Variants in NGEF observed in about 807,000 individuals in gnomAD.
NGEF encodes the protein neuronal guanine nucleotide exchange factor, also known as ephexin-1.
A neutral mutation model predicts 80.9 loss-of-function variants in NGEF; 31 were observed. That is an observed-to-expected ratio of 0.38 (90% CI 0.29 to 0.52). The LOEUF is 0.52. NGEF is among the 20% of genes least tolerant of loss of function. NGEF has a pLI of 0.84. For synonymous variants in NGEF, 371 were observed against 370.2 expected (o/e 1.00, Z -0.03); for missense variants, 709 against 926.2 (o/e 0.77, Z 3.04).
chr2:232,982,472 A>G (rs1694452861), intron 1 of NGEF, among the ~76,000 whole-genome samples: 2 of 152,130 alleles, frequency 1.3e-5, no homozygotes, highest in South Asian at 4.1e-4. Context: ...TGGTCCTTGA[A>G]TTGGTACGTT....
intron 10 of NGEF, 68 bp downstream of exon 10, chr2:232,885,212 C>G: frequency 7.0e-7 from 1 of 1,438,402 alleles, no homozygotes; most frequent in African/African-American, 1.4e-5. Context: ...GCGCGGTGAT[C>G]TGTGCCTCTG....
chr2:232,970,351 C>T, intron 2 of NGEF, 23 bp from the exon 3 acceptor site: 2 of 1,481,690 alleles, frequency 1.3e-6, no homozygotes, highest in Non-Finnish European at 1.9e-6. Context: ...AGAAATGGAG[C>T]AAGTTAGAAG....
intron 4 of NGEF, among the ~76,000 whole-genome samples, chr2:232,925,955 C>G (rs1575020328): frequency 6.6e-6 from 1 of 152,144 alleles, no homozygotes; most frequent in East Asian, 1.9e-4. Context: ...TAACAGCATG[C>G]AGTGTGCGCT....
chr2:232,988,787 T>C (rs1694593159), intron 1 of NGEF, among the ~76,000 whole-genome samples: 1 of 152,086 alleles, frequency 6.6e-6, no homozygotes, highest in Non-Finnish European at 1.5e-5. Flanking sequence ...ATGAGAAAAT[T>C]CTAAACATTT....
rs944533256 is a variant in NGEF, at chr2:232,879,430, C to A, written c.*59G>T. The A allele has an allele frequency of 5.5e-6, 8 of 1,465,558 alleles. No homozygotes were observed. Among genetic ancestry groups the A allele is most frequent in the South Asian group, 4.0e-5 (3 of 75,472 alleles). 90.8% of individuals were successfully genotyped at this position (1,465,558 alleles called of 1,614,324 possible). A position where few individuals can be genotyped will look rare whatever the true frequency, so the allele number is the denominator to read the frequency against. ...CCTGTGCTTCCCAGAGCCCCCCCCCCCCCACCTTCTGTCGGGGTCTCATGC... is the reference window on the plus strand; with the variant it reads ...CCTGTGCTTCCCAGAGCCCCCCCCCACCCACCTTCTGTCGGGGTCTCATGC... On this transcript the variant is annotated 3_prime_UTR_variant, in exon 15 of 15. Transcript: ENST00000264051.
intron 3 of NGEF, among the ~76,000 whole-genome samples, chr2:232,955,636 A>C (rs61589106): frequency 0.05 from 7,633 of 152,276 alleles, 350 homozygotes; most frequent in African/African-American, 0.12. Context: ...CTTGTGCCTC[A>C]GCCTCCCGAG....
chr2:232,885,466 C>T (rs887385835), intron 9 of NGEF, 97 bp from the exon 10 acceptor site: 28 of 940,808 alleles, frequency 3.0e-5, no homozygotes, highest in African/African-American at 1.3e-4. Flanking sequence ...GAGTGACCAC[C>T]GTGACCAGAC....
intron 5 of NGEF, among the ~76,000 whole-genome samples, chr2:232,900,654 ACATT>A (rs1464824845): frequency 2.1e-4 from 31 of 146,724 alleles, no homozygotes; most frequent in Non-Finnish European, 3.5e-4. Flanking sequence ...ACGTTCACTC[ACATT>A]CACTCACACA....
At chr2:232,902,473 C>T (rs371932385) in intron 5 of NGEF, among the ~76,000 whole-genome samples, 7 of 152,068 alleles carry the variant, frequency 4.6e-5, no homozygotes, top group Non-Finnish European at 7.4e-5. Flanking sequence ...TGCTAAGGGA[C>T]GAGGGGAGTC....
intron 5 of NGEF, among the ~76,000 whole-genome samples, chr2:232,906,383 C>T (rs1202667926): frequency 1.6e-5 from 2 of 122,168 alleles, no homozygotes; most frequent in African/African-American, 3.0e-5. Flanking sequence ...CCGCCCCGTC[C>T]GGGAGGGAGG....
At chr2:232,996,652 G>C (rs960188777) in intron 1 of NGEF, among the ~76,000 whole-genome samples, 2 of 152,022 alleles carry the variant, frequency 1.3e-5, no homozygotes, top group African/African-American at 2.4e-5. Flanking sequence ...GCACCACCAC[G>C]CCTGGCTCAT....
chr2:232,991,341 T>TTA lies in NGEF; in HGVS notation c.-74-16378_-74-16377insTA, dbSNP rs1553559179. On this transcript the variant is annotated intron_variant, in intron 1 of 14. Transcript: ENST00000264051. Reference sequence around the variant, plus strand: ...ATATAGAAAATTCTAAGGAATCCAGTAAAAAAAAACAAAAAACCCCAGAAA... The same window carrying TTA: ...ATATAGAAAATTCTAAGGAATCCAGTTAAAAAAAAAACAAAAAACCCCAGAAA... Among the ~76,000 whole-genome samples the TTA allele has an allele frequency of 1.4e-4, 10 of 72,690 alleles. No individual in the cohort carries two copies. In the Admixed American group the frequency reaches 1.4e-3, roughly 11 times the overall value. The allele number at this position is 72,690 out of a possible 152,430, so 47.7% of individuals were successfully genotyped here. A position where few individuals can be genotyped will look rare whatever the true frequency, so the allele number is the denominator to read the frequency against.
At chr2:232,973,300 G>C (rs1419009978) in intron 2 of NGEF, among the ~76,000 whole-genome samples, 1 of 152,178 alleles carries the variant, frequency 6.6e-6, no homozygotes, top group Non-Finnish European at 1.5e-5. Context: ...ATATGGAAAA[G>C]TTGAGCTTCC....
chr2:232,938,769 A>T, intron 3 of NGEF, among the ~76,000 whole-genome samples: 1 of 151,334 alleles, frequency 6.6e-6, no homozygotes, highest in South Asian at 2.1e-4. Context: ...GGAAATAAAT[A>T]CAGTAATTTC....
rs140478097 is a variant in NGEF, at chr2:232,881,219, G to A, written c.1869C>T (p.Tyr623=). The A allele has an allele frequency of 6.2e-6, 10 of 1,610,020 alleles. No individual in the cohort carries two copies. Among genetic ancestry groups the A allele is most frequent in the East Asian group, 2.2e-5 (1 of 44,852 alleles). ...TCAGCTCGTCTGGCTGCTGAGCCAC[G>A]TATGGGTGCACGCACTGGACCTGGG... ...DCPQVQCVHP[Y]VAQQPDELTL... Residue 623 remains tyrosine (Y), a synonymous_variant, in exon 14 of 15, where the codon TAC becomes TAT. Transcript: ENST00000264051.
intron 3 of NGEF, among the ~76,000 whole-genome samples, chr2:232,944,553 G>C (rs1693510748): frequency 1.3e-5 from 2 of 151,694 alleles, no homozygotes; most frequent in Non-Finnish European, 2.9e-5. Context: ...GAGAAGCCAG[G>C]GATGGAGTTA....
Position 232,906,329 on chromosome 2 carries a change from C to T in NGEF, c.829-11413G>A, listed in dbSNP as rs1259874999. 4.4e-5 allele frequency among the ~76,000 whole-genome samples: 4 copies of T among 90,494 alleles called. No individual in the cohort carries two copies. The East Asian group carries it at 1.4e-3, about 32-fold the overall frequency. The allele number at this position is 90,494 out of a possible 152,430, so 59.4% of individuals were successfully genotyped here. On this transcript the variant is annotated intron_variant, in intron 5 of 14. Transcript: ENST00000264051. ...GAGCCCCTCTGCCCGGCCACCACCC[C>T]GTGTGGGAGGGAGGTGGGGGGGGTC...
chr2:232,894,907 C>A lies in NGEF; in HGVS notation c.838G>T (p.Glu280Ter). ...TAGGACGCCTCGGAAGTGACCAGCT[C>A]GAACATGGCCTGTAGCAGGGAGACC... ...EEIKLQEAMFELVTSEASYYK... is the reference protein window; with the variant it reads ...EEIKLQEAMF The change falls in exon 6 of 15, where the codon GAG becomes TAG. Residue 280 changes from glutamate (E) to a stop codon, truncating the protein, a stop_gained. Coordinates refer to ENST00000264051, the MANE Select transcript of NGEF (RefSeq NM_019850.3). LOFTEE classifies it high-confidence loss of function. 1 of 1,586,294 alleles carries A rather than the reference C, an allele frequency of 6.3e-7. No homozygotes were observed. The highest frequency in any genetic ancestry group is 8.6e-7 in the Non-Finnish European group (1 of 1,158,098).
intron 3 of NGEF, among the ~76,000 whole-genome samples, chr2:232,939,727 G>A (rs1162579965): frequency 1.3e-5 from 2 of 152,178 alleles, no homozygotes; most frequent in African/African-American, 2.4e-5. Flanking sequence ...GCCGGGCACG[G>A]TGGCTCATGC....
Sources: gnomAD v4.1 joint callset for allele counts (sites outside exome capture counted in the v4.1 genomes callset) on GRCh38, gnomAD v4.1.1 for gene constraint, MANE v1.5 for transcripts, NCBI Gene and HGNC (gene_info 2026-07-23, HGNC 2026-07-21) for gene names.